TCERG1L: variants seen among roughly 807,000 people sequenced by gnomAD.
The protein encoded by TCERG1L is transcription elongation regulator 1-like protein.
TCERG1L carries 37 observed loss-of-function variants against 56.3 expected under a neutral mutation model. The ratio of observed to expected loss-of-function variants is 0.66; its 90% CI spans 0.51 to 0.87. The LOEUF (loss-of-function observed/expected upper bound fraction) is 0.87, where lower values mean the gene tolerates loss of function less well. TCERG1L is among the 40% of genes least tolerant of loss of function. The pLI is 0.00. For synonymous variants in TCERG1L, 324 were observed against 326.3 expected (o/e 0.99, Z 0.08); for missense variants, 799 against 774.2 (o/e 1.03, Z -0.38).
chr10:131,164,769 C>T (rs1846014059), intron 5 of TCERG1L, among the ~76,000 whole-genome samples: 1 of 152,146 alleles, frequency 6.6e-6, no homozygotes, highest in Non-Finnish European at 1.5e-5. Flanking sequence ...CTGTTTCTAC[C>T]ATCGTTGATG....
intron 8 of TCERG1L, among the ~76,000 whole-genome samples, chr10:131,123,748 C>T (rs1845536852): frequency 6.6e-6 from 1 of 152,192 alleles, no homozygotes; most frequent in Non-Finnish European, 1.5e-5. Context: ...ACTCTGGTAG[C>T]ACCCGGGGAG....
intron 3 of TCERG1L, among the ~76,000 whole-genome samples, chr10:131,286,453 C>T (rs1188561362): frequency 6.6e-6 from 1 of 152,096 alleles, no homozygotes; most frequent in Non-Finnish European, 1.5e-5. Flanking sequence ...GTAATGCACC[C>T]GCATACTAGC....
chr10:131,093,149 T>C lies in TCERG1L; in HGVS notation c.*13A>G. ...AGGGTCAACCCCCGGGCTTATTGCA[T>C]TTTTTCACAAACTCATCTCATTTTC... On this transcript the variant is annotated 3_prime_UTR_variant, in exon 12 of 12. Transcript: ENST00000368642. The C allele has an allele frequency of 5.6e-6, 9 of 1,611,580 alleles. No homozygotes were observed. The highest frequency in any genetic ancestry group is 7.6e-6 in the Non-Finnish European group (9 of 1,178,768).
intron 4 of TCERG1L, among the ~76,000 whole-genome samples, chr10:131,180,590 A>AG (rs1171871001): frequency 1.3e-5 from 2 of 152,140 alleles, no homozygotes; most frequent in African/African-American, 2.4e-5. Flanking sequence ...GAGAATTTCA[A>AG]GGGGGGCCGG....
chr10:131,308,369 G>C lies in TCERG1L; in HGVS notation c.512C>G (p.Ala171Gly). The change falls in exon 3 of 12, where the codon GCT (alanine) becomes GGT (glycine). Residue 171 changes from alanine (A) to glycine (G), a missense_variant. Coordinates refer to ENST00000368642, the MANE Select transcript of TCERG1L (RefSeq NM_174937.4). ...NCKIFFNNSF[A>G]LDSTWIHPEE... ...AGGATGTATCCACGTTGAGTCCAGA[G>C]CAAAGGAATTATTAAAAAAGATCTG... 1 of 1,613,332 alleles carries C rather than the reference G, an allele frequency of 6.2e-7. No homozygotes were observed. Among genetic ancestry groups the C allele is most frequent in the Non-Finnish European group, 8.5e-7 (1 of 1,179,674 alleles).
intron 4 of TCERG1L, among the ~76,000 whole-genome samples, chr10:131,211,620 G>A (rs955723508): frequency 5.3e-5 from 8 of 152,318 alleles, no homozygotes; most frequent in Middle Eastern, 3.4e-3. Context: ...AATGTCATAG[G>A]CAGCTCCTTT....
At chr10:131,289,142 TGA>T (rs1846579188) in intron 3 of TCERG1L, among the ~76,000 whole-genome samples, 1 of 109,766 alleles carries the variant, frequency 9.1e-6, no homozygotes. Flanking sequence ...GTAAAAGTCT[TGA>T]TTTTTTTTTT....
chr10:131,255,547 C>T (rs377535592), intron 4 of TCERG1L, among the ~76,000 whole-genome samples: 1 of 152,286 alleles, frequency 6.6e-6, no homozygotes, highest in Non-Finnish European at 1.5e-5. Flanking sequence ...CGGAGGGAGG[C>T]ACTGGGTGTC....
At position 131,132,333 on chromosome 10, in the gene TCERG1L, C is replaced by T. The variant is rs780060435; in HGVS notation, c.1259+2046G>A. Among the ~76,000 whole-genome samples, 23 of 152,350 alleles carry T rather than the reference C, an allele frequency of 1.5e-4. 1 individual carries two copies. The highest frequency in any genetic ancestry group is 6.2e-4 in the South Asian group (3 of 4,824). On this transcript the variant is annotated intron_variant, in intron 8 of 11. Coordinates refer to ENST00000368642, the MANE Select transcript of TCERG1L (RefSeq NM_174937.4). ...ACATGGAAATGAACAGCTGCCAAAA[C>T]GGAGGCAGCTCCATGCAAAACATCC...
At chr10:131,213,803 C>T (rs1414074473) in intron 4 of TCERG1L, among the ~76,000 whole-genome samples, 1 of 152,192 alleles carries the variant, frequency 6.6e-6, no homozygotes, top group Admixed American at 6.5e-5. Flanking sequence ...GAGCTTAGGG[C>T]CCTGTGCTGG....
chr10:131,179,041 A>G (rs1210960326), intron 4 of TCERG1L, among the ~76,000 whole-genome samples: 1 of 152,194 alleles, frequency 6.6e-6, no homozygotes, highest in African/African-American at 2.4e-5. Flanking sequence ...AGCCCCTCTG[A>G]CAGCAGGGGA....
rs554003987 is a variant in TCERG1L at position 131,269,199 on chromosome 10, T to TTTGC, written c.671-8756_671-8755insGCAA. On this transcript the variant is annotated intron_variant, in intron 3 of 11. Coordinates refer to ENST00000368642, the MANE Select transcript of TCERG1L (RefSeq NM_174937.4). ...CAATTTCTATTTGTTTGTTTGTTTG[T>TTTGC]TTTTTCATATGGAGTCTCACTCTGT... is the stretch of plus-strand genomic sequence containing the variant. Among the ~76,000 whole-genome samples, 87 of 152,312 alleles carry TTTGC rather than the reference T, an allele frequency of 5.7e-4. 1 individual carries two copies. The East Asian group carries it at 0.012, about 21-fold the overall frequency.
At chr10:131,265,277 T>A (rs778381545) in intron 3 of TCERG1L, among the ~76,000 whole-genome samples, 1 of 152,244 alleles carries the variant, frequency 6.6e-6, no homozygotes, top group South Asian at 2.1e-4. Context: ...GGAAACTTTC[T>A]TATCTGTCTC....
chr10:131,166,951 TCAAAGA>T, intron 4 of TCERG1L, 66 bp from the exon 5 acceptor site: 1 of 1,461,772 alleles, frequency 6.8e-7, no homozygotes, highest in African/African-American at 1.4e-5. Context: ...ACCTAAGCAA[TCAAAGA>T]CAAAAAGTGG....
At chr10:131,105,512 T>C (rs7094540) in intron 9 of TCERG1L, among the ~76,000 whole-genome samples, 6,099 of 152,260 alleles carry the variant, frequency 0.04, 191 homozygotes, top group African/African-American at 0.093. Flanking sequence ...TACAGACTCA[T>C]GGATATTTAG....
intron 3 of TCERG1L, among the ~76,000 whole-genome samples, chr10:131,305,856 T>G (rs1294795299): frequency 6.6e-6 from 1 of 150,624 alleles, no homozygotes; most frequent in African/African-American, 2.5e-5. Flanking sequence ...AATAGATTTA[T>G]ACATTATATA....
intron 4 of TCERG1L, among the ~76,000 whole-genome samples, chr10:131,211,666 T>C (rs911469611): frequency 3.3e-5 from 5 of 151,952 alleles, no homozygotes; most frequent in African/African-American, 1.2e-4. Context: ...ACTTCAACCT[T>C]CAAACAACAT....
intron 4 of TCERG1L, among the ~76,000 whole-genome samples, chr10:131,229,382 C>T (rs988406112): frequency 3.9e-5 from 6 of 152,200 alleles, no homozygotes; most frequent in African/African-American, 1.4e-4. Flanking sequence ...AAATGAAACA[C>T]CTTCAAGATC....
At chr10:131,214,995 C>T (rs757273909) in intron 4 of TCERG1L, among the ~76,000 whole-genome samples, 1 of 152,192 alleles carries the variant, frequency 6.6e-6, no homozygotes, top group Non-Finnish European at 1.5e-5. Context: ...CACTCACAGG[C>T]GGAAACAGGG....
Sources: allele counts gnomAD v4.1 joint callset (sites outside exome capture counted in the v4.1 genomes callset), GRCh38; gene constraint gnomAD v4.1.1; transcripts MANE v1.5; gene names NCBI Gene and HGNC (gene_info 2026-07-23, HGNC 2026-07-21).